PLD5: variants seen among roughly 807,000 people sequenced by gnomAD.
PLD5 encodes the protein phospholipase D family member 5, also known as inactive phospholipase D5.
In PLD5, 36 loss-of-function variants were observed where a neutral mutation model predicts 61.1. That is an observed-to-expected ratio of 0.59 (90% CI 0.45 to 0.78). PLD5 has a LOEUF of 0.78. Ranked by LOEUF, PLD5 falls within the 30% of genes least tolerant of loss-of-function variation. The pLI is 0.00. For missense variants in PLD5, 515 were observed against 644.4 expected, an observed-to-expected ratio of 0.80 and a Z score of 2.17; for synonymous variants, 243 against 242.8, an observed-to-expected ratio of 1.00 and a Z score of -0.01.
rs1171578977 is a variant in PLD5, at chr1:242,261,653, A to C, written c.607+3684T>G. On this transcript the variant is annotated intron_variant, in intron 4 of 9. Transcript: ENST00000536534. Reference sequence around the variant, plus strand: ...ATAATCAATAGGAATGGGCCAATTAAAACAACAATAACACTGGGCAAAATA... The same window carrying C: ...ATAATCAATAGGAATGGGCCAATTACAACAACAATAACACTGGGCAAAATA... 2.0e-5 allele frequency among the ~76,000 whole-genome samples: 3 copies of C among 152,208 alleles called. No individual in the cohort carries two copies. In the East Asian group the frequency reaches 5.8e-4, roughly 29 times the overall value.
At chr1:242,353,868 T>C (rs1489544499) in intron 1 of PLD5, among the ~76,000 whole-genome samples, 3 of 151,136 alleles carry the variant, frequency 2.0e-5, no homozygotes, top group Non-Finnish European at 4.4e-5. Context: ...TTATTTTTTA[T>C]AACTATTATA....
rs138548498 is a variant in PLD5 at position 242,421,359 on chromosome 1, G to A, written c.190-73117C>T. On this transcript the variant is annotated intron_variant, in intron 1 of 9. Transcript: ENST00000536534. Reference sequence around the variant, plus strand: ...TGGATTTGGGTCTGTTACCAGCATCGTATTGTTCTAGGACCAAGGCTGAAA... The same window carrying A: ...TGGATTTGGGTCTGTTACCAGCATCATATTGTTCTAGGACCAAGGCTGAAA... 3.7e-4 allele frequency among the ~76,000 whole-genome samples: 56 copies of A among 152,158 alleles called. 1 individual carries two copies. The East Asian group carries it at 6.2e-3, about 17-fold the overall frequency.
intron 2 of PLD5, among the ~76,000 whole-genome samples, chr1:242,339,754 G>A (rs1206970999): frequency 6.6e-6 from 1 of 152,170 alleles, no homozygotes; most frequent in Non-Finnish European, 1.5e-5. Context: ...AGGAGGGAAG[G>A]ACGAATGAAG....
chr1:242,300,494 C>A (rs1461489487), intron 2 of PLD5, among the ~76,000 whole-genome samples: 3 of 149,994 alleles, frequency 2.0e-5, no homozygotes, highest in African/African-American at 7.4e-5. Context: ...GAAATCAAGG[C>A]AGAAATGAGG....
chr1:242,312,489 G>T (rs979980606), intron 2 of PLD5, among the ~76,000 whole-genome samples: 2 of 151,938 alleles, frequency 1.3e-5, no homozygotes, highest in African/African-American at 4.8e-5. Flanking sequence ...TCTTCTTGGG[G>T]TCTCACCTGT....
At chr1:242,388,879 C>T (rs1421942622) in intron 1 of PLD5, among the ~76,000 whole-genome samples, 4 of 152,032 alleles carry the variant, frequency 2.6e-5, no homozygotes, top group African/African-American at 4.8e-5. Context: ...TGCTTGAACC[C>T]GGGAGGTGGA....
chr1:242,346,494 C>T (rs539534486), intron 2 of PLD5, among the ~76,000 whole-genome samples: 3 of 152,162 alleles, frequency 2.0e-5, no homozygotes, highest in African/African-American at 7.2e-5. Flanking sequence ...GTCATGGGCC[C>T]CTTGTCTATG....
intron 3 of PLD5, among the ~76,000 whole-genome samples, chr1:242,283,538 C>T (rs983839940): frequency 4.6e-5 from 7 of 152,046 alleles, no homozygotes; most frequent in African/African-American, 1.7e-4. Flanking sequence ...TGTCCCCCAA[C>T]TAAAAAAATA....
intron 2 of PLD5, among the ~76,000 whole-genome samples, chr1:242,326,169 C>T (rs371243406): frequency 2.6e-5 from 4 of 152,026 alleles, no homozygotes; most frequent in African/African-American, 7.3e-5. Context: ...CCCATGTGCC[C>T]GGCCTCACAT....
chr1:242,171,778 A>G (rs1462246391), intron 5 of PLD5, among the ~76,000 whole-genome samples: 2 of 152,148 alleles, frequency 1.3e-5, no homozygotes, highest in Non-Finnish European at 2.9e-5. Context: ...TTAAACCAAC[A>G]AAGATCAAAA....
Position 242,256,757 on chromosome 1 carries a change from T to C in PLD5, c.607+8580A>G, listed in dbSNP as rs1673045972. On this transcript the variant is annotated intron_variant, in intron 4 of 9. Transcript: ENST00000536534. This position sits in a 1 kb window ranked among gnomAD's most constrained non-coding sequence, Gnocchi z 5.7. ...ATGAACTAAGACTATCATCTATCTATCTATCTATCTATCTATCTATCTATC... is the reference window on the plus strand; with the variant it reads ...ATGAACTAAGACTATCATCTATCTACCTATCTATCTATCTATCTATCTATC... Among the ~76,000 whole-genome samples the C allele has an allele frequency of 7.8e-6, 1 of 128,090 alleles. No homozygotes were observed. Among genetic ancestry groups the C allele is most frequent in the Admixed American group, 7.4e-5 (1 of 13,518 alleles). The allele number at this position is 128,090 out of a possible 152,430, so 84.0% of individuals were successfully genotyped here.
chr1:242,200,981 C>G (rs1668954050), intron 5 of PLD5, among the ~76,000 whole-genome samples: 1 of 152,202 alleles, frequency 6.6e-6, no homozygotes, highest in South Asian at 2.1e-4. Flanking sequence ...AGTTCTAGAA[C>G]AAATGTATCT....
chr1:242,165,870 G>A (rs1404181084), intron 5 of PLD5, among the ~76,000 whole-genome samples: 1 of 152,086 alleles, frequency 6.6e-6, no homozygotes, highest in African/African-American at 2.4e-5. Context: ...GCATTTACCT[G>A]GGAACTTAAA....
intron 1 of PLD5, among the ~76,000 whole-genome samples, chr1:242,451,570 C>T (rs1666780558): frequency 6.7e-6 from 1 of 150,336 alleles, no homozygotes. Flanking sequence ...AGTGATTCTC[C>T]TGTCTCAGCC....
chr1:242,432,889 G>A (rs1416685427), intron 1 of PLD5, among the ~76,000 whole-genome samples: 1 of 152,194 alleles, frequency 6.6e-6, no homozygotes, highest in Admixed American at 6.5e-5. Flanking sequence ...ATGAGACCAA[G>A]AGATACAGAG....
chr1:242,154,922 A>G (rs1303257159), intron 5 of PLD5, among the ~76,000 whole-genome samples: 1 of 152,152 alleles, frequency 6.6e-6, no homozygotes, highest in Non-Finnish European at 1.5e-5. Flanking sequence ...AAGGAATGGT[A>G]CCAGCTCCTC....
At chr1:242,507,555 C>G (rs1206326500) in intron 1 of PLD5, among the ~76,000 whole-genome samples, 1 of 152,190 alleles carries the variant, frequency 6.6e-6, no homozygotes, top group East Asian at 1.9e-4. Flanking sequence ...CTGCCCTGAG[C>G]TATAGAATTA....
At chr1:242,451,459 C>CTT (rs398038597) in intron 1 of PLD5, among the ~76,000 whole-genome samples, 15,900 of 115,052 alleles carry the variant, frequency 0.14, 2,201 homozygotes, top group African/African-American at 0.32. Context: ...GTATCAAATT[C>CTT]TTTTTTTTTT....
At chr1:242,377,099 A>T in intron 1 of PLD5, 1 of 1,611,696 alleles carries the variant, frequency 6.2e-7, no homozygotes, top group African/African-American at 1.3e-5. Context: ...CCTGTTGGTT[A>T]TCTTCCCCAG....
Sources: gnomAD v4.1 joint callset for allele counts (sites outside exome capture counted in the v4.1 genomes callset) on GRCh38, gnomAD v4.1.1 for gene constraint, Gnocchi (gnomAD v3.1) non-coding constraint, MANE v1.5 for transcripts, NCBI Gene and HGNC (gene_info 2026-07-23, HGNC 2026-07-21) for gene names.